The following ABCG1 variants were observed in gnomAD, a reference collection of about 807,000 sequenced individuals.
ABCG1 encodes ATP binding cassette subfamily G member 1.
ABCG1 carries 29 observed loss-of-function variants against 69.2 expected under a neutral mutation model. The ratio of observed to expected loss-of-function variants is 0.42; its 90% CI spans 0.31 to 0.57. ABCG1 has a LOEUF of 0.57. Among genes scored for constraint, ABCG1 ranks in the 20% least tolerant of loss-of-function variants. The pLI is 0.15. For synonymous variants in ABCG1, 370 were observed against 374.8 expected, an observed-to-expected ratio of 0.99 and a Z score of 0.15; for missense variants, 718 against 898.1, an observed-to-expected ratio of 0.80 and a Z score of 2.56.
intron 1 of ABCG1, among the ~76,000 whole-genome samples, chr21:42,222,925 C>A (rs1378597469): frequency 6.6e-6 from 1 of 152,184 alleles, no homozygotes; most frequent in Non-Finnish European, 1.5e-5. Flanking sequence ...CTTTCCTTCA[C>A]CCCCACTACC....
Position 42,230,760 on chromosome 21 carries a change from G to A in ABCG1, c.286+4846G>A, listed in dbSNP as rs893251028. On this transcript the variant is annotated intron_variant, in intron 2 of 14. Transcript: ENST00000398449. Reference sequence around the variant, plus strand: ...TGCCCATCCCCCAGGAGATCCCGGCGGTTCCCACGCGTAGTTGACTGAATG... The same window carrying A: ...TGCCCATCCCCCAGGAGATCCCGGCAGTTCCCACGCGTAGTTGACTGAATG... Among the ~76,000 whole-genome samples the A allele has an allele frequency of 4.6e-5, 7 of 152,300 alleles. No homozygotes were observed. In the South Asian group the frequency reaches 1.0e-3, roughly 23 times the overall value.
Position 42,296,397 on chromosome 21 carries a change from C to T in ABCG1, c.*5C>T, listed in dbSNP as rs1418472411. 13 of 1,610,704 alleles carry T rather than the reference C, an allele frequency of 8.1e-6. No homozygotes were observed. The highest frequency in any genetic ancestry group is 1.1e-5 in the South Asian group (1 of 90,986). On this transcript the variant is annotated 3_prime_UTR_variant, in exon 15 of 15. Coordinates refer to ENST00000398449, the MANE Select transcript of ABCG1 (RefSeq NM_016818.3). This position sits in a 1 kb window ranked among gnomAD's most constrained non-coding sequence, Gnocchi z 5.4. The stretch of plus-strand genomic sequence containing the variant: ...AAAATCCGGGCAGAGAGGTAAAACA[C>T]CTGAATGCCAGGAAACAGGAAGATT...
At chr21:42,226,488 A>T (rs2067818995) in intron 2 of ABCG1, among the ~76,000 whole-genome samples, 1 of 152,380 alleles carries the variant, frequency 6.6e-6, no homozygotes, top group East Asian at 1.9e-4. Context: ...AGGTGTCTGG[A>T]ACGCCACACA....
upstream of ABCG1, among the ~76,000 whole-genome samples, chr21:42,212,278 T>G (rs1439110254): frequency 6.6e-6 from 1 of 152,088 alleles, no homozygotes; most frequent in East Asian, 1.9e-4. Flanking sequence ...GCTCTGGAAC[T>G]GGATAATGGG....
In ABCG1 at chr21:42,293,602, G is replaced by C. The variant is rs1445815572; in HGVS notation, c.1654-940G>C. On this transcript the variant is annotated intron_variant, in intron 13 of 14. Coordinates refer to ENST00000398449, the MANE Select transcript of ABCG1 (RefSeq NM_016818.3). The stretch of plus-strand genomic sequence containing the variant: ...CACTACACACATACCACACTACACA[G>C]TACACACCACACTACACACTACACA... 3.8e-3 allele frequency among the ~76,000 whole-genome samples: 245 copies of C among 65,096 alleles called. 1 individual carries two copies. Among genetic ancestry groups the C allele is most frequent in the Middle Eastern group, 0.03 (2 of 66 alleles). 42.7% of individuals were successfully genotyped at this position (65,096 alleles called of 152,430 possible). A position where few individuals can be genotyped will look rare whatever the true frequency, so the allele number is the denominator to read the frequency against.
rs1323471896 is a variant in ABCG1 at position 42,225,722 on chromosome 21, T to G, written c.94T>G (p.Ser32Ala). The change falls in exon 2 of 15, where the codon TCG becomes GCG. Residue 32 changes from serine (S) to alanine (A), a missense_variant. Coordinates refer to ENST00000398449, the MANE Select transcript of ABCG1 (RefSeq NM_016818.3). ...GACGGAGCCCAAGTCGGTGTGTGTCTCGGTGGATGAGGTGGTGTCCAGCAA... is the reference window on the plus strand; with the variant it reads ...GACGGAGCCCAAGTCGGTGTGTGTCGCGGTGGATGAGGTGGTGTCCAGCAA... ...EMTEPKSVCV[S>A]VDEVVSSNME... is the part of the protein sequence containing the mutation. 6 of 1,613,846 alleles carry G rather than the reference T, an allele frequency of 3.7e-6. No homozygotes were observed. In the African/African-American group the frequency reaches 6.7e-5, roughly 18 times the overall value.
At position 42,273,541 on chromosome 21, in the gene ABCG1, T is replaced by C. The variant is rs2068656297; in HGVS notation, c.537+106T>C. The C allele has an allele frequency of 3.6e-6, 5 of 1,370,374 alleles. No homozygotes were observed. The highest frequency in any genetic ancestry group is 4.9e-6 in the Non-Finnish European group (5 of 1,014,854). 84.9% of individuals were successfully genotyped at this position (1,370,374 alleles called of 1,614,324 possible). A position where few individuals can be genotyped will look rare whatever the true frequency, so the allele number is the denominator to read the frequency against. ...GCCCAGCTGCGAGGGACCCAAGGGC[T>C]CTGCCACGCGGCCTGCACAGGGCCA... On this transcript the variant is annotated intron_variant, in intron 4 of 14. Coordinates refer to ENST00000398449, the MANE Select transcript of ABCG1 (RefSeq NM_016818.3). The surrounding 1 kb of genome is among the most constrained non-coding windows in gnomAD (Gnocchi z 5.3).
upstream of ABCG1, among the ~76,000 whole-genome samples, chr21:42,216,623 G>T (rs1181728639): frequency 1.3e-5 from 2 of 152,196 alleles, no homozygotes; most frequent in Non-Finnish European, 2.9e-5. Flanking sequence ...ACCTGGGGAG[G>T]CCAGAGCCGT....
intron 2 of ABCG1, among the ~76,000 whole-genome samples, chr21:42,244,477 G>C (rs1482916951): frequency 2.0e-5 from 3 of 152,108 alleles, no homozygotes; most frequent in African/African-American, 7.3e-5. Context: ...AATTGATAAA[G>C]CTAAAAGACT....
intron 2 of ABCG1, among the ~76,000 whole-genome samples, chr21:42,234,676 T>C (rs2067950534): frequency 1.3e-5 from 2 of 152,174 alleles, no homozygotes; most frequent in African/African-American, 4.8e-5. Context: ...CTCTCCATAC[T>C]GAGTAAAAAA....
intron 2 of ABCG1, among the ~76,000 whole-genome samples, chr21:42,270,844 C>T (rs1488059721): frequency 2.0e-5 from 3 of 152,070 alleles, no homozygotes; most frequent in Non-Finnish European, 4.4e-5. Flanking sequence ...GCATTACACA[C>T]GTGCTGGTAA....
intron 2 of ABCG1, among the ~76,000 whole-genome samples, chr21:42,250,947 T>A (rs1034956579): frequency 2.0e-5 from 3 of 151,622 alleles, no homozygotes; most frequent in African/African-American, 7.3e-5. Context: ...CAGCACTAAG[T>A]GGTATTGCTG....
chr21:42,229,808 C>T (rs751909529), intron 2 of ABCG1, among the ~76,000 whole-genome samples: 46 of 152,160 alleles, frequency 3.0e-4, no homozygotes, highest in Non-Finnish European at 4.3e-4. Context: ...GGAGCTCGGG[C>T]GCAGAGCTGA....
At position 42,253,052 on chromosome 21, in the gene ABCG1, G is replaced by A. The variant is rs920401639; in HGVS notation, c.287-18018G>A. 3.3e-5 allele frequency among the ~76,000 whole-genome samples: 5 copies of A among 152,316 alleles called. No individual in the cohort carries two copies. The East Asian group carries it at 7.7e-4, about 24-fold the overall frequency. On this transcript the variant is annotated intron_variant, in intron 2 of 14. Transcript: ENST00000398449. ...GCCTGGATGCCGCATTAGCACACAGGGAGGGTCATGGTCAGAGCTTCAGGA... is the reference window on the plus strand; with the variant it reads ...GCCTGGATGCCGCATTAGCACACAGAGAGGGTCATGGTCAGAGCTTCAGGA...
At chr21:42,295,532 A>G (rs2069191834) in intron 14 of ABCG1, among the ~76,000 whole-genome samples, 1 of 152,200 alleles carries the variant, frequency 6.6e-6, no homozygotes, top group African/African-American at 2.4e-5. Context: ...CACCAGGGGC[A>G]GCGCCCATCT....
rs201302003 is a variant in ABCG1 at position 42,290,231 on chromosome 21, C to T, written c.1393+13C>T. On this transcript the variant is annotated intron_variant, in intron 11 of 14. Coordinates refer to ENST00000398449, the MANE Select transcript of ABCG1 (RefSeq NM_016818.3). ...ACTGTTCTGACATGTGAGTGACAGA[C>T]CGCTGACCCCTTCTTCCTTATTTTC... 5 of 1,607,874 alleles carry T rather than the reference C, an allele frequency of 3.1e-6. 1 individual carries two copies. The South Asian group carries it at 4.4e-5, about 14-fold the overall frequency.
At chr21:42,294,740 CA>C in intron 14 of ABCG1, 80 bp downstream of exon 14, 3 of 1,255,930 alleles carry the variant, frequency 2.4e-6, no homozygotes, top group Admixed American at 1.7e-5. Context: ...GAGGGGCTCA[CA>C]AAAGCCACTC....
intron 2 of ABCG1, among the ~76,000 whole-genome samples, chr21:42,268,362 G>GTGTGTGT (rs1555957895): frequency 3.4e-5 from 5 of 147,604 alleles, no homozygotes; most frequent in Non-Finnish European, 6.0e-5. Flanking sequence ...TAGAGGTAGG[G>GTGTGTGT]GTGTGTGTGT....
chr21:42,286,051 G>T (rs2068934741), intron 8 of ABCG1, 57 bp downstream of exon 8: 1 of 1,260,242 alleles, frequency 7.9e-7, no homozygotes, highest in Admixed American at 1.7e-5. Context: ...TCCTCTGTGG[G>T]TCTCACTTTT....
Sources: gnomAD v4.1 joint callset for allele counts (sites outside exome capture counted in the v4.1 genomes callset) on GRCh38, gnomAD v4.1.1 for gene constraint, Gnocchi (gnomAD v3.1) non-coding constraint, MANE v1.5 for transcripts, NCBI Gene and HGNC (gene_info 2026-07-23, HGNC 2026-07-21) for gene names.